PCDHA9: variants seen among roughly 807,000 people sequenced by gnomAD.
The protein encoded by PCDHA9 is protocadherin alpha 9.
PCDHA9 carries 62 observed loss-of-function variants against 62.0 expected under a neutral mutation model. The ratio of observed to expected loss-of-function variants is 1.00; its 90% CI spans 0.81 to 1.23. PCDHA9 has a LOEUF of 1.23. Among genes scored for constraint, PCDHA9 ranks in the 50% most tolerant of loss-of-function variants. The probability of loss-of-function intolerance (pLI) is 0.00; values close to 1 mark genes in which losing one functional copy is unlikely to be tolerated. For synonymous variants in PCDHA9, 557 were observed against 567.6 expected, an observed-to-expected ratio of 0.98 and a Z score of 0.27; for missense variants, 1,205 against 1,249.8, an observed-to-expected ratio of 0.96 and a Z score of 0.54.
At chr5:140,946,611 A>ATATATATATATATATATATATATAT (rs2093972523) in intron 1 of PCDHA9, among the ~76,000 whole-genome samples, 1 of 86,812 alleles carries the variant, frequency 1.2e-5, no homozygotes, top group African/African-American at 6.4e-5. Context: ...GAAAATGTGA[A>ATATATATATATATATATATATATAT]ATATATATAT....
chr5:140,866,062 C>T (rs1312576527), intron 1 of PCDHA9: 2 of 152,092 alleles, frequency 1.3e-5, no homozygotes, highest in Non-Finnish European at 2.9e-5. Context: ...ATCAATGCCA[C>T]ACTGAGATAG....
At chr5:140,964,013 A>G (rs155811) in intron 1 of PCDHA9, among the ~76,000 whole-genome samples, 53,810 of 151,994 alleles carry the variant, frequency 0.35, 9,678 homozygotes, top group East Asian at 0.53. Context: ...TTTTTAATAG[A>G]GAGCTCTTGA....
chr5:140,973,105 G>C (rs1166565820), intron 1 of PCDHA9, among the ~76,000 whole-genome samples: 1 of 152,180 alleles, frequency 6.6e-6, no homozygotes, highest in Non-Finnish European at 1.5e-5. Flanking sequence ...AATTATGAAA[G>C]AGTAGCAGAG....
Position 140,850,558 on chromosome 5 carries a change from G to T in PCDHA9, c.2063G>T (p.Gly688Val), listed in dbSNP as rs2150489293. 3 of 1,598,326 alleles carry T rather than the reference G, an allele frequency of 1.9e-6. No homozygotes were observed. Among genetic ancestry groups the T allele is most frequent in the Non-Finnish European group, 2.6e-6 (3 of 1,167,818 alleles). The part of the protein sequence containing the change: ...SSSRASVGAT[G>V]PEVTLVDVNV... ...TCGCGGGCGTCAGTGGGTGCCACGG[G>T]CCCCGAGGTGACGCTGGTGGATGTC... The change falls in exon 1 of 4, where the codon GGC becomes GTC. Residue 688 changes from glycine to valine, a missense_variant. Gly to Val is a moderately radical substitution (Grantham distance 109). Coordinates refer to ENST00000532602, the MANE Select transcript of PCDHA9 (RefSeq NM_031857.2).
intron 1 of PCDHA9, chr5:140,863,340 G>T: frequency 7.4e-7 from 1 of 1,360,462 alleles, no homozygotes. Flanking sequence ...TCACGTTGCT[G>T]CTGTACACGA....
intron 1 of PCDHA9, among the ~76,000 whole-genome samples, chr5:140,962,908 C>G (rs2095718284): frequency 1.3e-5 from 2 of 152,146 alleles, no homozygotes. Context: ...AGCTCCTTCC[C>G]TATTTGACAG....
intron 1 of PCDHA9, among the ~76,000 whole-genome samples, chr5:140,908,078 A>T (rs1047293736): frequency 6.6e-6 from 1 of 152,202 alleles, no homozygotes; most frequent in Non-Finnish European, 1.5e-5. Context: ...AAAGTGCACA[A>T]CCAGGTGCAC....
chr5:140,905,334 C>A (rs2071752505), intron 1 of PCDHA9, among the ~76,000 whole-genome samples: 1 of 152,144 alleles, frequency 6.6e-6, no homozygotes, highest in East Asian at 1.9e-4. Context: ...TGTTGAAGAT[C>A]AGTTGGCTGT....
chr5:140,995,543 G>A (rs1243799532), intron 3 of PCDHA9, among the ~76,000 whole-genome samples: 1 of 152,144 alleles, frequency 6.6e-6, no homozygotes, highest in Non-Finnish European at 1.5e-5. Context: ...AATAAGGGGC[G>A]ATCACTGTAC....
At chr5:140,967,143 A>G in intron 1 of PCDHA9, 1 of 1,611,272 alleles carries the variant, frequency 6.2e-7, no homozygotes, top group South Asian at 1.1e-5. Flanking sequence ...GTGCTGGCGC[A>G]CAACCCCGTG....
intron 1 of PCDHA9, chr5:140,883,843 C>G: frequency 6.2e-7 from 1 of 1,612,786 alleles, no homozygotes; most frequent in Non-Finnish European, 8.5e-7. Context: ...CGTTGGACCA[C>G]GAGGAGCTGG....
At chr5:140,884,461 G>C in intron 1 of PCDHA9, 3 of 1,613,764 alleles carry the variant, frequency 1.9e-6, no homozygotes, top group Non-Finnish European at 2.5e-6. Context: ...CCGAGGGCGC[G>C]TGCGCGCCGG....
intron 1 of PCDHA9, among the ~76,000 whole-genome samples, chr5:140,921,611 A>C (rs781805165): frequency 6.6e-6 from 1 of 152,224 alleles, no homozygotes; most frequent in Non-Finnish European, 1.5e-5. Context: ...AATAAGAAAA[A>C]TATCATCAGA....
intron 1 of PCDHA9, chr5:140,877,398 T>C: frequency 1.2e-6 from 2 of 1,613,870 alleles, no homozygotes; most frequent in Middle Eastern, 1.6e-4. Flanking sequence ...AGGCGGACGC[T>C]CCGCGCCACC....
chr5:140,917,294 G>A (rs1369973116), intron 1 of PCDHA9, among the ~76,000 whole-genome samples: 2 of 143,498 alleles, frequency 1.4e-5, no homozygotes, highest in Non-Finnish European at 3.0e-5. Flanking sequence ...TCCGTGTGCA[G>A]ATAGTTGTTA....
chr5:140,869,546 C>A (rs201504685), intron 1 of PCDHA9: 3 of 1,614,170 alleles, frequency 1.9e-6, no homozygotes, highest in East Asian at 4.5e-5. Flanking sequence ...TCTAAGCAAT[C>A]GGACTCGCGT....
At chr5:140,908,248 C>G (rs2073877594) in intron 1 of PCDHA9, among the ~76,000 whole-genome samples, 2 of 152,154 alleles carry the variant, frequency 1.3e-5, no homozygotes, top group South Asian at 4.1e-4. Context: ...TCCTCATCAA[C>G]TGATCATAGG....
intron 1 of PCDHA9, chr5:140,968,319 TCAC>T: frequency 6.2e-7 from 1 of 1,613,996 alleles, no homozygotes; most frequent in East Asian, 2.2e-5. Flanking sequence ...GGGCTGCCAG[TCAC>T]CTCCTATGTC....
chr5:140,883,520 G>A (rs1554178526), intron 1 of PCDHA9: 1 of 1,614,222 alleles, frequency 6.2e-7, no homozygotes, highest in Non-Finnish European at 8.5e-7. Context: ...CCGCGAGAGC[G>A]TATCAGCCTA....
Sources: allele counts gnomAD v4.1 joint callset (sites outside exome capture counted in the v4.1 genomes callset), GRCh38; gene constraint gnomAD v4.1.1; transcripts MANE v1.5; gene names NCBI Gene and HGNC (gene_info 2026-07-23, HGNC 2026-07-21).